Variants in FRMD4A observed in about 807,000 individuals in gnomAD.
FRMD4A encodes the protein FERM domain-containing protein 4A.
In FRMD4A, 29 loss-of-function variants were observed where a neutral mutation model predicts 129.1. That is an observed-to-expected ratio of 0.22 (90% confidence interval 0.17 to 0.31). FRMD4A has a LOEUF of 0.31. FRMD4A is among the 10% of genes least tolerant of loss of function. The pLI is 1.00. For synonymous variants in FRMD4A, 634 were observed against 571.6 expected (o/e 1.11, Z -1.56); for missense variants, 1,272 against 1,375.8 (o/e 0.92, Z 1.19).
chr10:13,887,453 G>A (rs1420588012), intron 2 of FRMD4A, among the ~76,000 whole-genome samples: 6 of 152,212 alleles, frequency 3.9e-5, no homozygotes, highest in African/African-American at 1.4e-4. Context: ...GGCTGAGGTG[G>A]GCGGATCACA....
chr10:13,878,790 A>G (rs2995647), intron 2 of FRMD4A, among the ~76,000 whole-genome samples: 70,620 of 129,212 alleles, frequency 0.55, 17,408 homozygotes, highest in South Asian at 0.69. Flanking sequence ...GAGAGAGAGA[A>G]AGAGAGAAGG....
At chr10:14,169,428 A>G (rs1841361062) in intron 2 of FRMD4A, among the ~76,000 whole-genome samples, 2 of 152,210 alleles carry the variant, frequency 1.3e-5, no homozygotes, top group South Asian at 2.1e-4. Context: ...TGTCCCGCCC[A>G]GAGCACACAC....
chr10:14,086,400 C>T (rs1361518594), intron 2 of FRMD4A, among the ~76,000 whole-genome samples: 1 of 152,094 alleles, frequency 6.6e-6, no homozygotes, highest in Non-Finnish European at 1.5e-5. Context: ...GATTTTCATG[C>T]GTTCTAAGAA....
chr10:14,087,551 G>A (rs371804504), intron 2 of FRMD4A: 1 of 152,068 alleles, frequency 6.6e-6, no homozygotes, highest in Admixed American at 6.5e-5. Flanking sequence ...CACAGAGCCA[G>A]TGTGTGCGGC....
chr10:14,030,072 G>A (rs573533724), intron 2 of FRMD4A, among the ~76,000 whole-genome samples: 2 of 152,182 alleles, frequency 1.3e-5, no homozygotes, highest in Non-Finnish European at 2.9e-5. Context: ...CAGAGGAACA[G>A]GGTAGAATGT....
intron 3 of FRMD4A, among the ~76,000 whole-genome samples, chr10:13,840,759 G>T (rs2093950175): frequency 7.8e-6 from 1 of 128,762 alleles, no homozygotes; most frequent in African/African-American, 3.0e-5. Context: ...CTGCACTCCA[G>T]TGTGGGCAAA....
intron 2 of FRMD4A, among the ~76,000 whole-genome samples, chr10:14,099,035 T>G (rs1837159439): frequency 6.6e-6 from 1 of 152,226 alleles, no homozygotes; most frequent in South Asian, 2.1e-4. Flanking sequence ...AGCACTCCAC[T>G]TAGCACACAG....
intron 12 of FRMD4A, among the ~76,000 whole-genome samples, chr10:13,721,496 C>T (rs1290474186): frequency 3.9e-5 from 6 of 151,990 alleles, no homozygotes; most frequent in African/African-American, 1.2e-4. Context: ...AAAAAGAACT[C>T]GATAAGACTT....
intron 2 of FRMD4A, among the ~76,000 whole-genome samples, chr10:13,942,473 C>T (rs1182064465): frequency 1.3e-5 from 2 of 152,148 alleles, no homozygotes; most frequent in African/African-American, 4.8e-5. Flanking sequence ...GGTCTGAGGC[C>T]AGCCCAGACT....
intron 2 of FRMD4A, among the ~76,000 whole-genome samples, chr10:14,213,198 T>C (rs539083928): frequency 1.7e-4 from 26 of 152,240 alleles, no homozygotes; most frequent in South Asian, 2.1e-4. Flanking sequence ...GAGCTATGAT[T>C]GTGCCACCAC....
intron 2 of FRMD4A, among the ~76,000 whole-genome samples, chr10:14,189,138 T>G (rs1342848429): frequency 6.6e-6 from 1 of 152,208 alleles, no homozygotes; most frequent in Non-Finnish European, 1.5e-5. Context: ...GAGCTTAACA[T>G]CTCGCGTCAG....
At chr10:13,852,253 T>A (rs1270462503) in intron 3 of FRMD4A, among the ~76,000 whole-genome samples, 1 of 152,118 alleles carries the variant, frequency 6.6e-6, no homozygotes, top group Non-Finnish European at 1.5e-5. Context: ...ATTTTAATTT[T>A]TTTTTTTTTG....
chr10:14,033,087 A>G (rs1175922766), intron 2 of FRMD4A, among the ~76,000 whole-genome samples: 1 of 152,164 alleles, frequency 6.6e-6, no homozygotes, highest in Non-Finnish European at 1.5e-5. Context: ...TGGGCGGATC[A>G]CCTGAGGTCA....
chr10:13,929,073 C>T (rs1280251741), intron 2 of FRMD4A, among the ~76,000 whole-genome samples: 1 of 152,136 alleles, frequency 6.6e-6, no homozygotes, highest in African/African-American at 2.4e-5. Context: ...TGTTTTATTT[C>T]CTTATTATTT....
intron 3 of FRMD4A, 94 bp from the exon 4 acceptor site, chr10:13,811,002 A>G (rs1405843304): frequency 1.5e-6 from 1 of 651,986 alleles, no homozygotes; most frequent in Non-Finnish European, 2.7e-6. Context: ...TTTCAATGAA[A>G]TGTCACAAAG....
intron 2 of FRMD4A, among the ~76,000 whole-genome samples, chr10:14,024,973 T>C (rs1209506805): frequency 6.6e-6 from 1 of 152,264 alleles, no homozygotes; most frequent in Non-Finnish European, 1.5e-5. Context: ...TGACCAATGC[T>C]AGGGCAATTC....
chr10:14,171,196 C>A (rs886090750), intron 2 of FRMD4A, among the ~76,000 whole-genome samples: 1 of 152,098 alleles, frequency 6.6e-6, no homozygotes, highest in East Asian at 1.9e-4. Flanking sequence ...GAAGAAACCA[C>A]TCAATCACCT....
chr10:14,178,840 T>C (rs138738104), intron 2 of FRMD4A, among the ~76,000 whole-genome samples: 1 of 152,272 alleles, frequency 6.6e-6, no homozygotes, highest in African/African-American at 2.4e-5. Context: ...TAATTAAGTT[T>C]ACACCACAAG....
intron 8 of FRMD4A, among the ~76,000 whole-genome samples, chr10:13,759,078 A>G (rs1218702634): frequency 6.6e-6 from 1 of 152,214 alleles, no homozygotes; most frequent in Non-Finnish European, 1.5e-5. Flanking sequence ...GGCCTGCTAC[A>G]GAAAAAGGGT....
Sources: allele counts gnomAD v4.1 joint callset (sites outside exome capture counted in the v4.1 genomes callset), GRCh38; gene constraint gnomAD v4.1.1; transcripts MANE v1.5; gene names NCBI Gene and HGNC (gene_info 2026-07-23, HGNC 2026-07-21).